The following CNTNAP5 variants were observed in gnomAD, a reference collection of about 807,000 sequenced individuals.
The protein encoded by CNTNAP5 is contactin-associated protein-like 5.
Under a neutral mutation model 150.2 loss-of-function variants are expected in CNTNAP5, and 72 were observed. The ratio of observed to expected loss-of-function variants is 0.48; its 90% CI spans 0.40 to 0.58. CNTNAP5 has a LOEUF of 0.58. Among genes scored for constraint, CNTNAP5 ranks in the 20% least tolerant of loss-of-function variants. The pLI, the probability that CNTNAP5 is intolerant of heterozygous loss-of-function variation, is 0.00. For missense variants in CNTNAP5, 1,636 were observed against 1,626.2 expected, an observed-to-expected ratio of 1.01 and a Z score of -0.10; for synonymous variants, 672 against 619.8, an observed-to-expected ratio of 1.08 and a Z score of -1.25.
chr2:124,184,845 T>C (rs1039485162), intron 1 of CNTNAP5, among the ~76,000 whole-genome samples: 5 of 152,120 alleles, frequency 3.3e-5, no homozygotes, highest in African/African-American at 9.7e-5. Context: ...TACTTTAAAC[T>C]GGGAAGAAGA....
intron 3 of CNTNAP5, among the ~76,000 whole-genome samples, chr2:124,340,628 A>G (rs916664746): frequency 2.6e-5 from 4 of 151,804 alleles, no homozygotes; most frequent in African/African-American, 4.8e-5. Flanking sequence ...GAAATACCCT[A>G]AGAAGAACAG....
At chr2:124,727,886 A>C (rs574616669) in intron 13 of CNTNAP5, among the ~76,000 whole-genome samples, 208 of 119,298 alleles carry the variant, frequency 1.7e-3, no homozygotes, top group Non-Finnish European at 3.2e-3. Context: ...CCTTGTTCCT[A>C]ATCTTAGAGG....
intron 8 of CNTNAP5, among the ~76,000 whole-genome samples, chr2:124,515,139 G>A (rs1694679968): frequency 1.3e-5 from 2 of 152,304 alleles, no homozygotes; most frequent in South Asian, 2.1e-4. Flanking sequence ...TAAACGACTA[G>A]GAAAGGTTTA....
At chr2:124,088,692 G>A (rs1023976717) in intron 1 of CNTNAP5, among the ~76,000 whole-genome samples, 3 of 152,048 alleles carry the variant, frequency 2.0e-5, no homozygotes, top group Non-Finnish European at 2.9e-5. Context: ...TGACTGGTGG[G>A]TTCCTCATTA....
chr2:124,337,832 G>A (rs1299046365), intron 3 of CNTNAP5, among the ~76,000 whole-genome samples: 5 of 151,778 alleles, frequency 3.3e-5, no homozygotes, highest in African/African-American at 9.7e-5. Flanking sequence ...TGTTCTTTTG[G>A]CTTAGGATTG....
chr2:124,277,432 T>A (rs911291327), intron 3 of CNTNAP5, among the ~76,000 whole-genome samples: 3 of 152,132 alleles, frequency 2.0e-5, no homozygotes, highest in African/African-American at 7.2e-5. Context: ...TTTGCCATAT[T>A]TTCAAAATGG....
At chr2:124,477,322 T>A (rs1268991668) in intron 7 of CNTNAP5, among the ~76,000 whole-genome samples, 1 of 152,114 alleles carries the variant, frequency 6.6e-6, no homozygotes, top group Non-Finnish European at 1.5e-5. Context: ...TCTATAAGAA[T>A]TTTTTTGTGT....
chr2:124,504,551 T>A lies in CNTNAP5; in HGVS notation c.1322T>A (p.Leu441His). 6.2e-7 allele frequency: 1 copy of A among 1,613,506 alleles called. No individual in the cohort carries two copies. Among genetic ancestry groups the A allele is most frequent in the Admixed American group, 1.7e-5 (1 of 59,976 alleles). The change falls in exon 8 of 24, where the codon CTC (leucine) becomes CAC (histidine). Residue 441 changes from leucine (L) to histidine (H), a missense_variant. By Grantham distance (99) the Leu-to-His change is moderately conservative. Coordinates refer to ENST00000682447, the MANE Select transcript of CNTNAP5 (RefSeq NM_001367498.1). The part of the protein sequence containing the change: ...QKMTERVAEI[L>H]TGSNLNDGLW... ...ATGACAGAACGCGTAGCTGAAATCC[T>A]CACAGGTACTGTCTGCTGACACTCT...
chr2:124,284,438 C>A (rs566460091), intron 3 of CNTNAP5, among the ~76,000 whole-genome samples: 1 of 152,082 alleles, frequency 6.6e-6, no homozygotes, highest in East Asian at 1.9e-4. Flanking sequence ...AGGAAGGGAA[C>A]AACACACACT....
At chr2:124,098,551 T>C (rs1573752118) in intron 1 of CNTNAP5, among the ~76,000 whole-genome samples, 1 of 152,162 alleles carries the variant, frequency 6.6e-6, no homozygotes, top group African/African-American at 2.4e-5. Context: ...TAGTAAATCA[T>C]AATCCTGAAG....
Position 124,079,935 on chromosome 2 carries a change from T to C in CNTNAP5, c.82+54203T>C, listed in dbSNP as rs1055961845. ...AAAACATGGCTAACCTCAAGGGCTG[T>C]TGAAGAATAAATGAATTGCTACTCA... On this transcript the variant is annotated intron_variant, in intron 1 of 23. Transcript: ENST00000682447. Among the ~76,000 whole-genome samples, 8 of 152,176 alleles carry C rather than the reference T, an allele frequency of 5.3e-5. No homozygotes were observed. In the South Asian group the frequency reaches 6.2e-4, roughly 12 times the overall value.
chr2:124,082,842 C>T (rs1328696732), intron 1 of CNTNAP5, among the ~76,000 whole-genome samples: 1 of 152,170 alleles, frequency 6.6e-6, no homozygotes, highest in Non-Finnish European at 1.5e-5. Context: ...ATTCTGATAG[C>T]TCTATAGTTA....
chr2:124,485,593 AC>A (rs1248107999), intron 7 of CNTNAP5, among the ~76,000 whole-genome samples: 1 of 141,990 alleles, frequency 7.0e-6, no homozygotes, highest in Non-Finnish European at 1.5e-5. Flanking sequence ...AGCCTGGGCG[AC>A]ACAGAAAGAC....
At position 124,451,236 on chromosome 2, in the gene CNTNAP5, G is replaced by A. The variant is rs1692974266; in HGVS notation, c.918+4299G>A. ...AATATATTTTCAATGAAAATTCTTA[G>A]TCAAAAAAACAAACAAAAAATTAGA... On this transcript the variant is annotated intron_variant, in intron 6 of 23. Transcript: ENST00000682447. Among the ~76,000 whole-genome samples, 2 of 150,434 alleles carry A rather than the reference G, an allele frequency of 1.3e-5. 1 individual carries two copies. The highest frequency in any genetic ancestry group is 4.2e-4 in the South Asian group (2 of 4,792).
intron 1 of CNTNAP5, among the ~76,000 whole-genome samples, chr2:124,148,162 A>G (rs1255924277): frequency 1.3e-5 from 2 of 151,954 alleles, no homozygotes; most frequent in East Asian, 3.9e-4. Context: ...TTTGGTGAAC[A>G]TAATTTCTAA....
At chr2:124,262,960 C>T (rs979936065) in intron 3 of CNTNAP5, among the ~76,000 whole-genome samples, 1 of 152,016 alleles carries the variant, frequency 6.6e-6, no homozygotes, top group African/African-American at 2.4e-5. Flanking sequence ...TCATCCATGT[C>T]CCTACAAAGG....
chr2:124,195,700 A>G (rs1378933593), intron 1 of CNTNAP5, among the ~76,000 whole-genome samples: 1 of 152,196 alleles, frequency 6.6e-6, no homozygotes, highest in East Asian at 1.9e-4. Flanking sequence ...TGGCTTGTGG[A>G]GGATGCAGAG....
At chr2:124,658,361 T>C (rs151085232) in intron 13 of CNTNAP5, among the ~76,000 whole-genome samples, 47 of 152,286 alleles carry the variant, frequency 3.1e-4, no homozygotes, top group African/African-American at 1.1e-3. Context: ...TATTTAATGT[T>C]CTCTGAGTGT....
rs74764844 is a variant in CNTNAP5 at position 124,904,053 on chromosome 2, CA to C, written c.3655+964del. Among the ~76,000 whole-genome samples, 8 of 88,626 alleles carry C rather than the reference CA, an allele frequency of 9.0e-5. 1 individual carries two copies. Among genetic ancestry groups the C allele is most frequent in the South Asian group, 8.5e-4 (2 of 2,364 alleles). 58.1% of individuals were successfully genotyped at this position (88,626 alleles called of 152,430 possible). Reference sequence around the variant, plus strand: ...TGGGGTATAGAGTGAGACTCTGTTTCAAAAAAAAAAACAAAAAAAAAAAAAC... The same window carrying C: ...TGGGGTATAGAGTGAGACTCTGTTTCAAAAAAAAAACAAAAAAAAAAAAAC... On this transcript the variant is annotated intron_variant, in intron 22 of 23. Coordinates refer to ENST00000682447, the MANE Select transcript of CNTNAP5 (RefSeq NM_001367498.1).
Sources: gnomAD v4.1 joint callset for allele counts (sites outside exome capture counted in the v4.1 genomes callset) on GRCh38, gnomAD v4.1.1 for gene constraint, MANE v1.5 for transcripts, NCBI Gene and HGNC (gene_info 2026-07-23, HGNC 2026-07-21) for gene names.